The following PPARGC1A variants were observed in gnomAD, a reference collection of about 807,000 sequenced individuals.
PPARGC1A encodes peroxisome proliferator-activated receptor gamma coactivator 1-alpha.
A neutral mutation model predicts 88.7 loss-of-function variants in PPARGC1A; 25 were observed. That is an observed-to-expected ratio of 0.28 (90% confidence interval 0.21 to 0.39). PPARGC1A has a LOEUF of 0.39. Among genes scored for constraint, PPARGC1A ranks in the 10% least tolerant of loss-of-function variants. The pLI, the probability that PPARGC1A is intolerant of heterozygous loss-of-function variation, is 1.00. For synonymous variants in PPARGC1A, 363 were observed against 355.6 expected (o/e 1.02, Z -0.24); for missense variants, 880 against 968.7 (o/e 0.91, Z 1.22).
chr4:24,230,949 T>TGAA, the PPARGC1A span, among the ~76,000 whole-genome samples: 2 of 54,364 alleles, frequency 3.7e-5, no homozygotes, highest in African/African-American at 1.2e-4. Context: ...ACAGAATTTA[T>TGAA]TAAAAAAAAT....
the PPARGC1A span, among the ~76,000 whole-genome samples, chr4:24,349,097 T>A: frequency 1.3e-5 from 2 of 152,332 alleles, no homozygotes; most frequent in East Asian, 3.9e-4. Flanking sequence ...CCAGCGAGTC[T>A]ATCCAGCTCC....
At chr4:23,903,738 C>A (rs1719698922), upstream of PPARGC1A, among the ~76,000 whole-genome samples, 2 of 152,088 alleles carry the variant, frequency 1.3e-5, no homozygotes, top group Non-Finnish European at 2.9e-5. Flanking sequence ...GTCATAATAT[C>A]CAGTCTTCCC....
chr4:23,862,965 G>A (rs771034147), intron 2 of PPARGC1A, among the ~76,000 whole-genome samples: 2 of 152,058 alleles, frequency 1.3e-5, no homozygotes, highest in Admixed American at 6.5e-5. Context: ...TACAATCTGC[G>A]CATCACATTC....
chr4:24,367,016 C>T, the PPARGC1A span, among the ~76,000 whole-genome samples: 4 of 152,166 alleles, frequency 2.6e-5, no homozygotes, highest in African/African-American at 9.7e-5. Flanking sequence ...TGTTTTTAAA[C>T]TCCTGCTCTT....
At chr4:24,142,533 G>A in the PPARGC1A span, among the ~76,000 whole-genome samples, 2 of 152,132 alleles carry the variant, frequency 1.3e-5, no homozygotes, top group Admixed American at 1.3e-4. Flanking sequence ...AATGAGTCAG[G>A]TGTCATGGCG....
At chr4:24,094,106 T>G in the PPARGC1A span, among the ~76,000 whole-genome samples, 2 of 152,128 alleles carry the variant, frequency 1.3e-5, no homozygotes, top group Admixed American at 6.6e-5. Flanking sequence ...TTGCGGTGAC[T>G]GCAGATGCGT....
chr4:24,314,107 A>T, the PPARGC1A span, among the ~76,000 whole-genome samples: 1 of 152,244 alleles, frequency 6.6e-6, no homozygotes, highest in Non-Finnish European at 1.5e-5. Context: ...ACATATGTCA[A>T]CAAAAGAGTA....
At chr4:24,206,458 A>G in the PPARGC1A span, among the ~76,000 whole-genome samples, 1 of 152,240 alleles carries the variant, frequency 6.6e-6, no homozygotes, top group Non-Finnish European at 1.5e-5. Context: ...TCAGGATACA[A>G]TAATATTTGC....
chr4:24,009,543 A>G, the PPARGC1A span, among the ~76,000 whole-genome samples: 4 of 152,202 alleles, frequency 2.6e-5, no homozygotes, highest in Non-Finnish European at 4.4e-5. Context: ...CTGACAATGT[A>G]TTGCTAGTTT....
chr4:23,908,711 G>T (rs1403841355), upstream of PPARGC1A, among the ~76,000 whole-genome samples: 1 of 152,084 alleles, frequency 6.6e-6, no homozygotes, highest in Non-Finnish European at 1.5e-5. Context: ...TTATAAAGTT[G>T]ATCCTAAAAA....
the PPARGC1A span, among the ~76,000 whole-genome samples, chr4:23,962,973 CG>C: frequency 3.3e-5 from 5 of 152,062 alleles, no homozygotes; most frequent in Non-Finnish European, 7.4e-5. Context: ...TGCTCATGAG[CG>C]GGGGAAAGTG....
At chr4:24,064,022 T>C in the PPARGC1A span, among the ~76,000 whole-genome samples, 10 of 152,202 alleles carry the variant, frequency 6.6e-5, no homozygotes, top group African/African-American at 2.4e-4. Context: ...CCTTCCTGAG[T>C]TGGCCAGACG....
At chr4:24,334,946 A>G in the PPARGC1A span, among the ~76,000 whole-genome samples, 6 of 152,352 alleles carry the variant, frequency 3.9e-5, no homozygotes, top group African/African-American at 1.4e-4. Context: ...CATCGAGGCA[A>G]GACTAATTGT....
At chr4:24,039,754 C>T in the PPARGC1A span, among the ~76,000 whole-genome samples, 1 of 152,100 alleles carries the variant, frequency 6.6e-6, no homozygotes, top group Admixed American at 6.6e-5. Context: ...GAGAACAACT[C>T]CTAGAGTTGC....
At position 23,869,874 on chromosome 4, in the gene PPARGC1A, C is replaced by T. The variant is rs1001057256; in HGVS notation, c.234+14878G>A. Among the ~76,000 whole-genome samples, 3 of 152,110 alleles carry T rather than the reference C, an allele frequency of 2.0e-5. No individual in the cohort carries two copies. In the South Asian group the frequency reaches 6.2e-4, roughly 32 times the overall value. The stretch of plus-strand genomic sequence containing the variant: ...TGGGAAATTGCTTACTTAACGATAA[C>T]TCTACTGAGCTATATTTGTCTTGAC... On this transcript the variant is annotated intron_variant, in intron 2 of 12. Transcript: ENST00000264867.
chr4:24,331,313 C>T, the PPARGC1A span, among the ~76,000 whole-genome samples: 66 of 152,274 alleles, frequency 4.3e-4, no homozygotes, highest in Middle Eastern at 3.4e-3. Flanking sequence ...GCTGCTCCTT[C>T]ACAGCACTCA....
the PPARGC1A span, among the ~76,000 whole-genome samples, chr4:24,401,987 AT>A: frequency 6.6e-6 from 1 of 152,220 alleles, no homozygotes; most frequent in African/African-American, 2.4e-5. Context: ...GACCCTTGAC[AT>A]AAAGAGGGAA....
At chr4:24,239,855 G>A in the PPARGC1A span, among the ~76,000 whole-genome samples, 1 of 152,106 alleles carries the variant, frequency 6.6e-6, no homozygotes, top group South Asian at 2.1e-4. Flanking sequence ...GGGATTGGAA[G>A]GGAACGGGTG....
At chr4:24,208,109 T>A in the PPARGC1A span, among the ~76,000 whole-genome samples, 1 of 151,898 alleles carries the variant, frequency 6.6e-6, no homozygotes, top group Non-Finnish European at 1.5e-5. Context: ...AGAGACCCTC[T>A]CTCTAGAAAA....
Sources: allele counts gnomAD v4.1 joint callset (sites outside exome capture counted in the v4.1 genomes callset), GRCh38; gene constraint gnomAD v4.1.1; transcripts MANE v1.5; gene names NCBI Gene and HGNC (gene_info 2026-07-23, HGNC 2026-07-21).